SRGAP2B: variants seen among roughly 807,000 people sequenced by gnomAD.
SRGAP2B encodes SLIT-ROBO Rho GTPase-activating protein 2B.
Under a neutral mutation model 22.2 loss-of-function variants are expected in SRGAP2B, and 9 were observed. The ratio of observed to expected loss-of-function variants is 0.41; its 90% CI spans 0.24 to 0.71. The LOEUF (loss-of-function observed/expected upper bound fraction) is 0.71, where lower values mean the gene tolerates loss of function less well. Ranked by LOEUF, SRGAP2B falls within the 30% of genes least tolerant of loss-of-function variation. The pLI is 0.35. For missense variants in SRGAP2B, 114 were observed against 235.8 expected (o/e 0.48, Z 3.38); for synonymous variants, 36 against 87.4 (o/e 0.41, Z 3.28).
chr1:144,941,397 G>A (rs1407704738), intron 4 of SRGAP2B, among the ~76,000 whole-genome samples: 2 of 131,238 alleles, frequency 1.5e-5, no homozygotes, highest in Admixed American at 7.9e-5. Context: ...AACAATTAGT[G>A]CAAAGAATTC....
intron 3 of SRGAP2B, among the ~76,000 whole-genome samples, chr1:144,958,259 G>A (rs1350438981): frequency 7.3e-5 from 11 of 151,048 alleles, no homozygotes; most frequent in Admixed American, 5.3e-4. Flanking sequence ...TATCCCCAAG[G>A]TGTCCTCAAA....
chr1:144,985,588 A>G (rs587600533), intron 3 of SRGAP2B, among the ~76,000 whole-genome samples: 1 of 151,304 alleles, frequency 6.6e-6, no homozygotes, highest in South Asian at 2.1e-4. Flanking sequence ...TAAAAGAGAC[A>G]ATCAAAGGCT....
intron 2 of SRGAP2B, among the ~76,000 whole-genome samples, chr1:145,006,123 G>A (rs1671571822): frequency 6.6e-6 from 1 of 150,858 alleles, no homozygotes; most frequent in African/African-American, 2.5e-5. Flanking sequence ...TCCCACCCAG[G>A]CTTTCTCTCC....
intron 2 of SRGAP2B, among the ~76,000 whole-genome samples, chr1:145,031,944 T>C (rs1241480870): frequency 6.7e-6 from 1 of 148,830 alleles, no homozygotes; most frequent in African/African-American, 2.6e-5. Context: ...AGGGGAAAGT[T>C]TGTCCCAATG....
intron 2 of SRGAP2B, among the ~76,000 whole-genome samples, chr1:145,089,957 C>G (rs1653817418): frequency 6.9e-6 from 1 of 145,656 alleles, no homozygotes; most frequent in Non-Finnish European, 1.5e-5. Context: ...GAGGCTCAGA[C>G]AAGTCATGTA....
At chr1:145,002,103 C>T (rs1671222855) in intron 2 of SRGAP2B, among the ~76,000 whole-genome samples, 1 of 93,378 alleles carries the variant, frequency 1.1e-5, no homozygotes, top group Non-Finnish European at 2.1e-5. Context: ...TCCTTATATC[C>T]ATGTTTTCCC....
chr1:144,939,331 A>G (rs1246897792), intron 4 of SRGAP2B, among the ~76,000 whole-genome samples: 2 of 150,170 alleles, frequency 1.3e-5, no homozygotes, highest in African/African-American at 5.0e-5. Context: ...GCTAATTGAG[A>G]ATCCTGGAAG....
In SRGAP2B at chr1:145,017,848, CA is replaced by C. The variant is rs587627838; in HGVS notation, c.68-22649del. Among the ~76,000 whole-genome samples, 25 of 150,830 alleles carry C rather than the reference CA, an allele frequency of 1.7e-4. No individual in the cohort carries two copies. The East Asian group carries it at 4.8e-3, about 29-fold the overall frequency. On this transcript the variant is annotated intron_variant, in intron 2 of 9. Coordinates refer to ENST00000612199, the Ensembl canonical transcript of SRGAP2B. ...CAGATCCTGGGTCAGCTAAGGCTCACAGTAAAGATTTCTTCCTAATTGCCTC... is the reference window on the plus strand; with the variant it reads ...CAGATCCTGGGTCAGCTAAGGCTCACGTAAAGATTTCTTCCTAATTGCCTC...
intron 2 of SRGAP2B, among the ~76,000 whole-genome samples, chr1:145,009,104 G>A (rs1474139933): frequency 1.4e-5 from 2 of 144,864 alleles, no homozygotes; most frequent in African/African-American, 5.3e-5. Flanking sequence ...GTGAACCTGG[G>A]AGGCGGAGCT....
intron 3 of SRGAP2B, among the ~76,000 whole-genome samples, chr1:144,970,227 G>A (rs1265187199): frequency 1.8e-4 from 23 of 130,630 alleles, no homozygotes; most frequent in African/African-American, 7.3e-4. Flanking sequence ...ATTCACAATA[G>A]CAAAGACTTG....
intron 4 of SRGAP2B, among the ~76,000 whole-genome samples, chr1:144,943,921 G>C (rs1553607903): frequency 6.6e-6 from 1 of 150,662 alleles, no homozygotes; most frequent in South Asian, 2.1e-4. Context: ...CCCACTGTAA[G>C]GAAGATAGAA....
At chr1:145,009,041 G>A (rs1427824054) in intron 2 of SRGAP2B, among the ~76,000 whole-genome samples, 1 of 147,638 alleles carries the variant, frequency 6.8e-6, no homozygotes, top group Non-Finnish European at 1.5e-5. Context: ...GCTGGGCGTG[G>A]TGGCGGGCGC....
chr1:144,898,375 CT>C (rs1265614944), intron 7 of SRGAP2B, among the ~76,000 whole-genome samples: 2 of 114,606 alleles, frequency 1.7e-5, no homozygotes, highest in Non-Finnish European at 3.5e-5. Context: ...AAGAATTCTT[CT>C]GTTAGAGAAA....
At chr1:145,038,354 G>A in intron 2 of SRGAP2B, among the ~76,000 whole-genome samples, 1 of 127,770 alleles carries the variant, frequency 7.8e-6, no homozygotes, top group Non-Finnish European at 1.6e-5. Flanking sequence ...GAACTATTAA[G>A]AGTGACACCC....
chr1:144,965,288 G>A (rs1553612008), intron 3 of SRGAP2B, among the ~76,000 whole-genome samples: 1 of 147,908 alleles, frequency 6.8e-6, no homozygotes, highest in Non-Finnish European at 1.5e-5. Context: ...CGCAGCTGGA[G>A]ATCTGAGAAC....
At chr1:144,983,860 C>A (rs1157454191) in intron 3 of SRGAP2B, among the ~76,000 whole-genome samples, 1 of 150,374 alleles carries the variant, frequency 6.7e-6, no homozygotes, top group Admixed American at 6.6e-5. Flanking sequence ...AAATCTCTAC[C>A]AACAGCCAAA....
chr1:145,068,939 GTGTGTGTGTA>G lies in SRGAP2B; in HGVS notation c.67+23886_67+23895del, dbSNP rs1457276943. Among the ~76,000 whole-genome samples the G allele has an allele frequency of 1.7e-3, 225 of 133,756 alleles. 3 individuals carry two copies. Among genetic ancestry groups the G allele is most frequent in the Non-Finnish European group, 2.2e-3 (133 of 59,582 alleles). 87.7% of individuals were successfully genotyped at this position (133,756 alleles called of 152,430 possible). On this transcript the variant is annotated intron_variant, in intron 2 of 9. Coordinates refer to ENST00000612199, the Ensembl canonical transcript of SRGAP2B. Reference sequence around the variant, plus strand: ...TGTGTGTGTGTGTGTGTGTGTGTGTGTGTGTGTGTATGTGTATATATATATCTCTCTCTCA... The same window carrying G: ...TGTGTGTGTGTGTGTGTGTGTGTGTGTGTGTATATATATATCTCTCTCTCA...
chr1:145,011,523 CT>C (rs1351900433), intron 2 of SRGAP2B, among the ~76,000 whole-genome samples: 9 of 150,740 alleles, frequency 6.0e-5, no homozygotes, highest in Non-Finnish European at 1.2e-4. Flanking sequence ...AACCTGAACT[CT>C]TGACACCCCA....
In SRGAP2B at chr1:145,091,910, CT is replaced by C. The variant is rs1491003222; in HGVS notation, c.67+924del. Among the ~76,000 whole-genome samples, 57 of 136,608 alleles carry C rather than the reference CT, an allele frequency of 4.2e-4. 2 individuals carry two copies. Among genetic ancestry groups the C allele is most frequent in the Admixed American group, 3.1e-3 (44 of 14,186 alleles). 89.6% of individuals were successfully genotyped at this position (136,608 alleles called of 152,430 possible). On this transcript the variant is annotated intron_variant, in intron 2 of 9. Coordinates refer to ENST00000612199, the Ensembl canonical transcript of SRGAP2B. Reference sequence around the variant, plus strand: ...CCTTGCACAAACACATGCTGCAGCTCTTTAACAGGCAGGAACCCTTCCTATG... The same window carrying C: ...CCTTGCACAAACACATGCTGCAGCTCTTAACAGGCAGGAACCCTTCCTATG...
Sources: gnomAD v4.1 joint callset for allele counts (sites outside exome capture counted in the v4.1 genomes callset) on GRCh38, gnomAD v4.1.1 for gene constraint, MANE v1.5 for transcripts, NCBI Gene and HGNC (gene_info 2026-07-23, HGNC 2026-07-21) for gene names.